ITGA1: variants seen among roughly 807,000 people sequenced by gnomAD.
The protein encoded by ITGA1 is integrin subunit alpha 1, also known as integrin alpha-1.
Under a neutral mutation model 145.9 loss-of-function variants are expected in ITGA1, and 85 were observed. That is an observed-to-expected ratio of 0.58 (90% CI 0.49 to 0.70). The LOEUF is 0.70. Among genes scored for constraint, ITGA1 ranks in the 30% least tolerant of loss-of-function variants. The pLI is 0.00. For synonymous variants in ITGA1, 520 were observed against 495.3 expected, an observed-to-expected ratio of 1.05 and a Z score of -0.66; for missense variants, 1,351 against 1,418.7, an observed-to-expected ratio of 0.95 and a Z score of 0.77.
intron 1 of ITGA1, among the ~76,000 whole-genome samples, chr5:52,841,152 A>T (rs1477899504): frequency 6.6e-6 from 1 of 152,238 alleles, no homozygotes; most frequent in Non-Finnish European, 1.5e-5. Context: ...TCTTGCTGAC[A>T]TATTACATCA....
At chr5:52,870,759 G>C (rs1052079293) in intron 6 of ITGA1, among the ~76,000 whole-genome samples, 2 of 152,210 alleles carry the variant, frequency 1.3e-5, no homozygotes, top group African/African-American at 4.8e-5. Context: ...GTCAGGGCCT[G>C]TCCTTAGGGA....
At chr5:52,802,788 T>C (rs909124201) in intron 1 of ITGA1, 1 of 152,224 alleles carries the variant, frequency 6.6e-6, no homozygotes, top group African/African-American at 2.4e-5. Flanking sequence ...ATTTTAGTTG[T>C]GAAGAAGCCT....
intron 14 of ITGA1, among the ~76,000 whole-genome samples, chr5:52,912,103 C>CATATCTA (rs1561246859): frequency 1.5e-5 from 2 of 136,220 alleles, no homozygotes; most frequent in Admixed American, 7.7e-5. Context: ...CTATATATAG[C>CATATCTA]GTATCTAGTA....
chr5:52,933,720 T>C, intron 22 of ITGA1, 174 bp from the exon 23 acceptor site: 1 of 354,204 alleles, frequency 2.8e-6, no homozygotes, highest in South Asian at 9.2e-5. Context: ...ACATAATCCT[T>C]CTCACTCTCC....
intron 1 of ITGA1, among the ~76,000 whole-genome samples, chr5:52,799,330 T>A (rs543905810): frequency 6.6e-6 from 1 of 152,198 alleles, no homozygotes. Flanking sequence ...TTTTCCCCAC[T>A]TCCCATAGCC....
chr5:52,875,175 T>C (rs1749846365), intron 6 of ITGA1, among the ~76,000 whole-genome samples: 1 of 152,130 alleles, frequency 6.6e-6, no homozygotes, highest in African/African-American at 2.4e-5. Context: ...GAGTCTGCCG[T>C]AAAGATATAT....
Position 52,920,404 on chromosome 5 carries a change from G to A in ITGA1, c.2228G>A (p.Arg743Lys), listed in dbSNP as rs1189557519. The change falls in exon 17 of 29, where the codon AGA (arginine) becomes AAA (lysine). Residue 743 changes from arginine (R) to lysine (K), a missense_variant. Transcript: ENST00000282588. ...AGTTTTTTCTCTGGAACTCAAGAGA[G>A]AAAGGTTCAAAGGAACATCACAGTT... ...SRSFFSGTQE[R>K]KVQRNITVRK... 6.2e-7 allele frequency: 1 copy of A among 1,612,194 alleles called. No individual in the cohort carries two copies. Among genetic ancestry groups the A allele is most frequent in the Non-Finnish European group, 8.5e-7 (1 of 1,179,058 alleles).
intron 7 of ITGA1, among the ~76,000 whole-genome samples, chr5:52,885,598 T>C (rs1184860848): frequency 6.6e-6 from 1 of 152,196 alleles, no homozygotes; most frequent in Admixed American, 6.5e-5. Context: ...ACAAATTAAA[T>C]TTGACAGAGT....
chr5:52,925,261 T>A lies in ITGA1; in HGVS notation c.2404-17T>A. 6.2e-7 allele frequency: 1 copy of A among 1,603,130 alleles called. No homozygotes were observed. The highest frequency in any genetic ancestry group is 8.5e-7 in the Non-Finnish European group (1 of 1,170,226). On this transcript the variant is annotated splice_polypyrimidine_tract_variant and intron_variant, in intron 18 of 28. Transcript: ENST00000282588. ...CGTAGCTAAATTTTGAAAAATTCTT[T>A]CCTGTCATCATTTCAGATTCCCTTT...
intron 17 of ITGA1, among the ~76,000 whole-genome samples, chr5:52,922,374 T>C (rs1750744319): frequency 6.6e-6 from 1 of 152,142 alleles, no homozygotes; most frequent in Non-Finnish European, 1.5e-5. Context: ...GAAATGTAAC[T>C]CATTTTATAG....
intron 1 of ITGA1, among the ~76,000 whole-genome samples, chr5:52,799,261 C>T (rs955124982): frequency 1.3e-5 from 2 of 152,190 alleles, no homozygotes; most frequent in Non-Finnish European, 2.9e-5. Context: ...TGCTAAGTAA[C>T]TTAAGGATTT....
intron 7 of ITGA1, among the ~76,000 whole-genome samples, chr5:52,886,330 C>T (rs2456199): frequency 0.22 from 33,348 of 152,172 alleles, 3,944 homozygotes; most frequent in African/African-American, 0.3. Flanking sequence ...AAAGTCATCA[C>T]ATAGAATCCT....
At chr5:52,870,277 T>C (rs1266672653) in intron 6 of ITGA1, among the ~76,000 whole-genome samples, 1 of 152,250 alleles carries the variant, frequency 6.6e-6, no homozygotes, top group East Asian at 1.9e-4. Flanking sequence ...ACTTCTGGAA[T>C]TTATTCTCCC....
At chr5:52,860,585 G>A (rs888904494) in intron 2 of ITGA1, among the ~76,000 whole-genome samples, 2 of 152,008 alleles carry the variant, frequency 1.3e-5, no homozygotes, top group Non-Finnish European at 2.9e-5. Context: ...AAATAAAGTT[G>A]TAATCTAACA....
chr5:52,876,236 C>A (rs1490113735), intron 6 of ITGA1, among the ~76,000 whole-genome samples: 1 of 152,144 alleles, frequency 6.6e-6, no homozygotes, highest in African/African-American at 2.4e-5. Flanking sequence ...AAATTATAAG[C>A]TAAGGTGAAA....
At chr5:52,847,552 G>C (rs1230774778) in intron 1 of ITGA1, among the ~76,000 whole-genome samples, 2 of 151,988 alleles carry the variant, frequency 1.3e-5, no homozygotes, top group Admixed American at 1.3e-4. Flanking sequence ...AATTTTGTTT[G>C]TTTGTTTGTT....
chr5:52,839,447 A>G (rs1282334725), intron 1 of ITGA1, among the ~76,000 whole-genome samples: 1 of 152,144 alleles, frequency 6.6e-6, no homozygotes, highest in Non-Finnish European at 1.5e-5. Context: ...CTCTTCTTGT[A>G]CTATTTGAAC....
chr5:52,914,592 C>T (rs536755920), intron 14 of ITGA1, among the ~76,000 whole-genome samples: 13 of 128,530 alleles, frequency 1.0e-4, no homozygotes, highest in African/African-American at 3.1e-4. Flanking sequence ...GCCGAGATAG[C>T]GTCTCAAAAA....
intron 23 of ITGA1, 56 bp from the exon 24 acceptor site, chr5:52,937,345 C>G: frequency 8.5e-7 from 1 of 1,172,026 alleles, no homozygotes; most frequent in East Asian, 2.3e-5. Context: ...CTACATAAGA[C>G]AGAAGAATTC....
Sources: allele counts gnomAD v4.1 joint callset (sites outside exome capture counted in the v4.1 genomes callset), GRCh38; gene constraint gnomAD v4.1.1; transcripts MANE v1.5; gene names NCBI Gene and HGNC (gene_info 2026-07-23, HGNC 2026-07-21).